ZFR2: variants seen among roughly 807,000 people sequenced by gnomAD.
ZFR2 encodes the protein zinc finger RNA binding protein 2, also known as zinc finger RNA-binding protein 2.
A neutral mutation model predicts 105.7 loss-of-function variants in ZFR2; 104 were observed. The observed-to-expected ratio is 0.98, with a 90% CI of 0.84 to 1.16. The LOEUF (loss-of-function observed/expected upper bound fraction) is 1.16, where lower values mean the gene tolerates loss of function less well. Among genes scored for constraint, ZFR2 ranks in the 50% most tolerant of loss-of-function variants. ZFR2 has a pLI of 0.00. For missense variants in ZFR2, 1,425 were observed against 1,355.5 expected (o/e 1.05, Z -0.80); for synonymous variants, 634 against 597.7 (o/e 1.06, Z -0.89).
At chr19:3,814,823 T>C (rs2037807850) in intron 13 of ZFR2, among the ~76,000 whole-genome samples, 1 of 151,868 alleles carries the variant, frequency 6.6e-6, no homozygotes, top group African/African-American at 2.4e-5. Flanking sequence ...CAATCCTACC[T>C]CCTGGTACGG....
chr19:3,827,563 C>G lies in ZFR2; in HGVS notation c.943G>C (p.Val315Leu). 1.9e-6 allele frequency: 3 copies of G among 1,566,248 alleles called. No homozygotes were observed. The highest frequency in any genetic ancestry group is 2.6e-6 in the Non-Finnish European group (3 of 1,155,976). ...GVQPNGSPRG[V>L]QAQLHCDLCA... ...AGGTCGCAATGCAGCTGCGCCTGCACCCCGCGCGGGCTCCCGTTGGGCTGC... is the reference window on the plus strand; with the variant it reads ...AGGTCGCAATGCAGCTGCGCCTGCAGCCCGCGCGGGCTCCCGTTGGGCTGC... Residue 315 changes from valine (V) to leucine (L), a missense_variant, in exon 6 of 19, where the codon GTG becomes CTG. Transcript: ENST00000262961.
At chr19:3,808,062 T>TGTGTGCCC (rs144910056) in intron 17 of ZFR2, among the ~76,000 whole-genome samples, 30,612 of 144,702 alleles carry the variant, frequency 0.21, 4,312 homozygotes, top group African/African-American at 0.4. Flanking sequence ...TGTGCGTGCA[T>TGTGTGCCC]GTGTGCCCGT....
At chr19:3,827,387 C>T (rs1874999195) in intron 6 of ZFR2, 84 bp downstream of exon 6, 13 of 1,421,334 alleles carry the variant, frequency 9.1e-6, no homozygotes, top group Non-Finnish European at 1.1e-5. Context: ...CCTCTGATCT[C>T]CCCAGGTACC....
rs771177259 is a variant in ZFR2, at chr19:3,812,233, C to T, written c.2243-867G>A. ...TGCTAGGATTACAGGCGTGAGCCAC[C>T]GCGCCTGGCCAAATTTTTTTGTTTT... is the stretch of plus-strand genomic sequence containing the variant. On this transcript the variant is annotated intron_variant, in intron 14 of 18. Transcript: ENST00000262961. Among the ~76,000 whole-genome samples, 172 of 152,250 alleles carry T rather than the reference C, an allele frequency of 1.1e-3. 1 individual carries two copies. The highest frequency in any genetic ancestry group is 1.5e-3 in the East Asian group (8 of 5,176).
intron 17 of ZFR2, among the ~76,000 whole-genome samples, chr19:3,807,793 T>G (rs1259127418): frequency 6.8e-6 from 1 of 147,154 alleles, no homozygotes; most frequent in African/African-American, 2.6e-5. Flanking sequence ...CATGTGCGCC[T>G]GTGTGTGCAA....
Position 3,858,841 on chromosome 19 carries a change from A to T in ZFR2, c.53+10124T>A, listed in dbSNP as rs561014656. Reference sequence around the variant, plus strand: ...TCAAAAAGAAAAAACTAAAATAATTAAAAACAAGGACTCTTTCTTCCCGAA... The same window carrying T: ...TCAAAAAGAAAAAACTAAAATAATTTAAAACAAGGACTCTTTCTTCCCGAA... On this transcript the variant is annotated intron_variant, in intron 1 of 18. Transcript: ENST00000262961. The surrounding 1 kb of genome is among the most constrained non-coding windows in gnomAD (Gnocchi z 4.3). Among the ~76,000 whole-genome samples the T allele has an allele frequency of 6.6e-6, 1 of 152,280 alleles. No individual in the cohort carries two copies. Among genetic ancestry groups the T allele is most frequent in the South Asian group, 2.1e-4 (1 of 4,828 alleles).
chr19:3,812,207 G>A (rs2037773150), intron 14 of ZFR2, among the ~76,000 whole-genome samples: 1 of 152,102 alleles, frequency 6.6e-6, no homozygotes, highest in Non-Finnish European at 1.5e-5. Flanking sequence ...GCCTCCCAAA[G>A]TGCTAGGATT....
chr19:3,821,927 C>T (rs1368687231), intron 9 of ZFR2, among the ~76,000 whole-genome samples, 154 bp downstream of exon 9: 1 of 152,042 alleles, frequency 6.6e-6, no homozygotes, highest in Non-Finnish European at 1.5e-5. Context: ...ACTTTTGAGA[C>T]GAGGACCAAG....
At chr19:3,867,153 A>T (rs535784051) in intron 1 of ZFR2, among the ~76,000 whole-genome samples, 2 of 151,690 alleles carry the variant, frequency 1.3e-5, no homozygotes, top group East Asian at 3.9e-4. Context: ...GGGGGCAAAG[A>T]CCCCCCTGAG....
chr19:3,860,973 C>T (rs987900501), intron 1 of ZFR2, among the ~76,000 whole-genome samples: 1 of 152,096 alleles, frequency 6.6e-6, no homozygotes, highest in African/African-American at 2.4e-5. Flanking sequence ...ACTCAACCAA[C>T]GACACTCAAA....
At chr19:3,806,982 C>T (rs989032942) in intron 18 of ZFR2, among the ~76,000 whole-genome samples, 190 bp downstream of exon 18, 1 of 152,134 alleles carries the variant, frequency 6.6e-6, no homozygotes, top group African/African-American at 2.4e-5. Flanking sequence ...AGCTGCTGGC[C>T]CCACGCCACC....
chr19:3,831,596 G>A, intron 4 of ZFR2, 40 bp from the exon 5 acceptor site: 2 of 1,535,226 alleles, frequency 1.3e-6, no homozygotes, highest in Non-Finnish European at 1.8e-6. Context: ...GGGAGATGCT[G>A]ATTCCACTGA....
rs555198872 is a variant in ZFR2 at position 3,849,959 on chromosome 19, G to A, written c.54-14976C>T. Among the ~76,000 whole-genome samples, 23 of 152,236 alleles carry A rather than the reference G, an allele frequency of 1.5e-4. No individual in the cohort carries two copies. The East Asian group carries it at 3.7e-3, about 24-fold the overall frequency. On this transcript the variant is annotated intron_variant, in intron 1 of 18. Coordinates refer to ENST00000262961, the MANE Select transcript of ZFR2 (RefSeq NM_015174.2). ...GGTTTCAGTGTTACACCCTGTGAAC[G>A]TCACAGCTGTGAGCAGACTGAGGAC...
rs77342266 is a variant in ZFR2 at position 3,812,410 on chromosome 19, C to T, written c.2243-1044G>A. 1.0e-3 allele frequency among the ~76,000 whole-genome samples: 155 copies of T among 152,252 alleles called. 2 individuals are homozygous for T. The East Asian group carries it at 0.025, about 25-fold the overall frequency. Reference sequence around the variant, plus strand: ...AGGGAGTTTTAGAAGCTCACCTCCCCACCACGCTGGGCCTGGGGAGAGGAA... The same window carrying T: ...AGGGAGTTTTAGAAGCTCACCTCCCTACCACGCTGGGCCTGGGGAGAGGAA... On this transcript the variant is annotated intron_variant, in intron 14 of 18. Transcript: ENST00000262961.
Position 3,831,504 on chromosome 19 carries a change from G to A in ZFR2, c.651C>T (p.Phe217=). 1 of 1,554,648 alleles carries A rather than the reference G, an allele frequency of 6.4e-7. No individual in the cohort carries two copies. Among genetic ancestry groups the A allele is most frequent in the Non-Finnish European group, 8.7e-7 (1 of 1,149,588 alleles). Residue 217 remains phenylalanine (F), a synonymous_variant, in exon 5 of 19, where the codon TTC becomes TTT. Coordinates refer to ENST00000262961, the MANE Select transcript of ZFR2 (RefSeq NM_015174.2). ...GAGGCGGGGGCTGCGCTGGAGGATA[G>A]AAAGGGCTGGCAGCGGAGTACACCG... ...DASVYSAASP[F]YPPAQPPPPP... is the part of the protein sequence containing the mutation.
At chr19:3,867,356 G>A (rs578037628) in intron 1 of ZFR2, among the ~76,000 whole-genome samples, 1 of 152,156 alleles carries the variant, frequency 6.6e-6, no homozygotes, top group African/African-American at 2.4e-5. Flanking sequence ...CCCGGACTGG[G>A]ACTCCAGTCT....
chr19:3,819,309 G>GGGCAGGTC (rs1491014938), intron 11 of ZFR2, 74 bp from the exon 12 acceptor site: 2 of 1,229,164 alleles, frequency 1.6e-6, no homozygotes, highest in East Asian at 2.8e-5. Flanking sequence ...GCGGGCAGGT[G>GGGCAGGTC]GGGGCAGGTG....
chr19:3,811,107 C>T (rs982664254), intron 15 of ZFR2, among the ~76,000 whole-genome samples, 165 bp downstream of exon 15: 3 of 152,242 alleles, frequency 2.0e-5, no homozygotes, highest in African/African-American at 4.8e-5. Flanking sequence ...CAGGAGCCAG[C>T]GTTGGTTGTC....
intron 3 of ZFR2, among the ~76,000 whole-genome samples, chr19:3,833,314 C>T (rs888539027): frequency 7.9e-5 from 12 of 151,236 alleles, no homozygotes; most frequent in Non-Finnish European, 1.3e-4. Context: ...TGGTGGCTCA[C>T]GCCTGTAATC....
Sources: gnomAD v4.1 joint callset for allele counts (sites outside exome capture counted in the v4.1 genomes callset) on GRCh38, gnomAD v4.1.1 for gene constraint, Gnocchi (gnomAD v3.1) non-coding constraint, MANE v1.5 for transcripts, NCBI Gene and HGNC (gene_info 2026-07-23, HGNC 2026-07-21) for gene names.